The following KCNMA1 variants were observed in gnomAD, a reference collection of about 807,000 sequenced individuals.
The protein encoded by KCNMA1 is potassium calcium-activated channel subfamily M alpha 1.
A neutral mutation model predicts 140.0 loss-of-function variants in KCNMA1; 29 were observed. The ratio of observed to expected loss-of-function variants is 0.21; its 90% CI spans 0.15 to 0.28. The LOEUF (loss-of-function observed/expected upper bound fraction) is 0.28. Ranked by LOEUF, KCNMA1 falls within the 10% of genes least tolerant of loss-of-function variation. KCNMA1 has a pLI of 1.00. For missense variants in KCNMA1, 880 were observed against 1,602.2 expected (o/e 0.55, Z 7.70); for synonymous variants, 612 against 611.9 (o/e 1.00, Z 0.00).
At chr10:77,459,740 G>A (rs1243756275) in intron 1 of KCNMA1, among the ~76,000 whole-genome samples, 2 of 152,204 alleles carry the variant, frequency 1.3e-5, no homozygotes, top group African/African-American at 4.8e-5. Flanking sequence ...CCCGCTCTTG[G>A]CATAGCACAG....
intron 12 of KCNMA1, among the ~76,000 whole-genome samples, chr10:77,081,994 CTTTT>C (rs1470602558): frequency 5.8e-5 from 4 of 68,530 alleles, no homozygotes; most frequent in African/African-American, 2.5e-4. Flanking sequence ...CCAGTAATTT[CTTTT>C]TTTCTTTTCT....
chr10:76,910,618 G>T, intron 24 of KCNMA1: 1 of 213,114 alleles, frequency 4.7e-6, no homozygotes, highest in African/African-American at 2.3e-5. Flanking sequence ...GGATTGGCCT[G>T]GGTAGTTCCC....
intron 20 of KCNMA1, among the ~76,000 whole-genome samples, chr10:76,957,084 C>T (rs921289968): frequency 1.5e-4 from 21 of 144,206 alleles, no homozygotes; most frequent in Admixed American, 5.7e-4. Flanking sequence ...GCCGAGATCA[C>T]GCCACTACAT....
At chr10:77,132,887 T>G (rs1409754434) in intron 5 of KCNMA1, among the ~76,000 whole-genome samples, 1 of 152,086 alleles carries the variant, frequency 6.6e-6, no homozygotes, top group Non-Finnish European at 1.5e-5. Flanking sequence ...ATGGAAAAGA[T>G]AAAAGTAATG....
intron 1 of KCNMA1, among the ~76,000 whole-genome samples, chr10:77,612,925 C>A (rs567860308): frequency 6.6e-6 from 1 of 152,146 alleles, no homozygotes; most frequent in African/African-American, 2.4e-5. Context: ...CTACTCCCCC[C>A]ACCCCCACTG....
intron 5 of KCNMA1, among the ~76,000 whole-genome samples, chr10:77,131,793 C>T (rs1207169315): frequency 2.0e-5 from 3 of 151,644 alleles, no homozygotes; most frequent in East Asian, 1.9e-4. Flanking sequence ...GATGAAACCC[C>T]ATCTCTACTA....
intron 3 of KCNMA1, among the ~76,000 whole-genome samples, chr10:77,191,499 G>A (rs1029664128): frequency 2.6e-5 from 4 of 152,136 alleles, no homozygotes; most frequent in Non-Finnish European, 5.9e-5. Context: ...GTACCTAAGA[G>A]TTTATCTTTC....
At chr10:77,015,706 C>T (rs143989944) in intron 17 of KCNMA1, among the ~76,000 whole-genome samples, 26 of 152,252 alleles carry the variant, frequency 1.7e-4, no homozygotes, top group African/African-American at 5.8e-4. Context: ...TAGTATCCCT[C>T]ATCTTGGTTA....
intron 1 of KCNMA1, among the ~76,000 whole-genome samples, chr10:77,506,640 A>AGAGG (rs1410662166): frequency 2.1e-5 from 3 of 143,176 alleles, no homozygotes; most frequent in Admixed American, 6.9e-5. Flanking sequence ...AGAGAGACAG[A>AGAGG]GAGGGAGAGA....
chr10:77,615,354 G>C (rs781693555), intron 1 of KCNMA1, among the ~76,000 whole-genome samples: 6 of 152,160 alleles, frequency 3.9e-5, no homozygotes, highest in Non-Finnish European at 8.8e-5. Flanking sequence ...TCAGCCTTCT[G>C]GGAGAAACCA....
intron 22 of KCNMA1, among the ~76,000 whole-genome samples, chr10:76,948,151 C>T (rs1011420763): frequency 5.3e-5 from 8 of 152,048 alleles, no homozygotes; most frequent in African/African-American, 1.9e-4. Context: ...ACTACAAGCA[C>T]ACGCCACCAC....
At chr10:77,003,852 G>C (rs775781207) in intron 18 of KCNMA1, among the ~76,000 whole-genome samples, 39 of 152,144 alleles carry the variant, frequency 2.6e-4, no homozygotes, top group African/African-American at 7.0e-4. Context: ...TATTTGTTCA[G>C]AGGCAAACAG....
At chr10:77,374,175 G>A (rs2094929046) in intron 2 of KCNMA1, among the ~76,000 whole-genome samples, 1 of 152,110 alleles carries the variant, frequency 6.6e-6, no homozygotes, top group South Asian at 2.1e-4. Flanking sequence ...GCCAAGCCTG[G>A]GCGCTCTGAC....
chr10:77,350,716 A>T (rs1191377535), intron 2 of KCNMA1: 1 of 152,218 alleles, frequency 6.6e-6, no homozygotes, highest in Non-Finnish European at 1.5e-5. Context: ...ATCACAGACC[A>T]TCCTCATATG....
At chr10:77,216,640 C>T (rs901876065) in intron 3 of KCNMA1, among the ~76,000 whole-genome samples, 4 of 152,114 alleles carry the variant, frequency 2.6e-5, no homozygotes, top group Admixed American at 6.5e-5. Flanking sequence ...ATACAGTACA[C>T]GTAGCTGTTG....
intron 18 of KCNMA1, among the ~76,000 whole-genome samples, chr10:77,010,723 A>T (rs773209366): frequency 3.8e-4 from 58 of 151,726 alleles, no homozygotes; most frequent in Non-Finnish European, 5.3e-4. Flanking sequence ...CTGGTTCTAC[A>T]TTTTCTGTAC....
chr10:77,193,962 C>CT (rs1336928306), intron 3 of KCNMA1, among the ~76,000 whole-genome samples: 2 of 151,896 alleles, frequency 1.3e-5, no homozygotes, highest in Admixed American at 6.6e-5. Flanking sequence ...CTTCCTATGC[C>CT]TTTTTTTTCT....
At chr10:77,123,641 C>T (rs922417310) in intron 5 of KCNMA1, among the ~76,000 whole-genome samples, 11 of 152,180 alleles carry the variant, frequency 7.2e-5, no homozygotes, top group Admixed American at 6.6e-4. Flanking sequence ...CATTCCAAGA[C>T]CTCCCAGTGG....
intron 3 of KCNMA1, among the ~76,000 whole-genome samples, chr10:77,220,131 G>A (rs560138813): frequency 6.6e-6 from 1 of 152,092 alleles, no homozygotes; most frequent in Admixed American, 6.5e-5. Context: ...CCCTTTTTGT[G>A]TTACTATTTA....
Sources: gnomAD v4.1 joint callset for allele counts (sites outside exome capture counted in the v4.1 genomes callset) on GRCh38, gnomAD v4.1.1 for gene constraint, MANE v1.5 for transcripts, NCBI Gene and HGNC (gene_info 2026-07-23, HGNC 2026-07-21) for gene names.